The following SESTD1 variants were observed in gnomAD, a reference collection of about 807,000 sequenced individuals.
SESTD1 encodes the protein SEC14 domain and spectrin repeat-containing protein 1.
A neutral mutation model predicts 101.7 loss-of-function variants in SESTD1; 43 were observed. That is an observed-to-expected ratio of 0.42 (90% CI 0.33 to 0.55). SESTD1 has a LOEUF of 0.55. Ranked by LOEUF, SESTD1 falls within the 20% of genes least tolerant of loss-of-function variation. The pLI, the probability that SESTD1 is intolerant of heterozygous loss-of-function variation, is 0.07. For missense variants in SESTD1, 647 were observed against 815.1 expected (o/e 0.79, Z 2.51); for synonymous variants, 283 against 286.8 (o/e 0.99, Z 0.13).
At chr2:179,211,334 A>C (rs1387341472) in intron 1 of SESTD1, among the ~76,000 whole-genome samples, 3 of 133,980 alleles carry the variant, frequency 2.2e-5, no homozygotes, top group Non-Finnish European at 4.8e-5. Context: ...GGAACAACAA[A>C]AAAAAGAGCC....
At chr2:179,112,901 C>G (rs2044542096) in intron 16 of SESTD1, 56 bp from the exon 17 acceptor site, 2 of 1,543,002 alleles carry the variant, frequency 1.3e-6, no homozygotes, top group Admixed American at 2.0e-5. Context: ...TCTGCAGTTT[C>G]AGAGGATCAC....
intron 5 of SESTD1, among the ~76,000 whole-genome samples, chr2:179,158,220 T>TC (rs2045666568): frequency 6.6e-6 from 1 of 152,200 alleles, no homozygotes; most frequent in Non-Finnish European, 1.5e-5. Flanking sequence ...CTATGATGTT[T>TC]CTTTAAGCTC....
intron 1 of SESTD1, among the ~76,000 whole-genome samples, chr2:179,262,767 C>T (rs2047500784): frequency 6.6e-6 from 1 of 152,126 alleles, no homozygotes; most frequent in Admixed American, 6.5e-5. Context: ...ACTTTGTTTT[C>T]TTAATTATTG....
intron 10 of SESTD1, among the ~76,000 whole-genome samples, chr2:179,131,345 T>G (rs1181760189): frequency 6.6e-6 from 1 of 152,206 alleles, no homozygotes; most frequent in Non-Finnish European, 1.5e-5. Flanking sequence ...ACCATATTAC[T>G]TATTCTTTAA....
chr2:179,230,193 G>C (rs1375899149), intron 1 of SESTD1, among the ~76,000 whole-genome samples: 3 of 127,866 alleles, frequency 2.3e-5, no homozygotes, highest in African/African-American at 9.0e-5. Context: ...GAATGCGGTA[G>C]CGCGATCTCA....
chr2:179,256,024 A>G (rs994291969), intron 1 of SESTD1, among the ~76,000 whole-genome samples: 1 of 151,616 alleles, frequency 6.6e-6, no homozygotes, highest in African/African-American at 2.4e-5. Flanking sequence ...GCTCAGACAA[A>G]AAAAAAAAAA....
chr2:179,113,072 C>A (rs2044547484), intron 16 of SESTD1, among the ~76,000 whole-genome samples: 2 of 152,048 alleles, frequency 1.3e-5, no homozygotes, highest in Admixed American at 1.3e-4. Context: ...GAAATTCAAA[C>A]AAACAAAATG....
intron 9 of SESTD1, among the ~76,000 whole-genome samples, chr2:179,137,846 TCA>T (rs1394101304): frequency 6.6e-6 from 1 of 152,232 alleles, no homozygotes; most frequent in Non-Finnish European, 1.5e-5. Context: ...ACAGAGATAC[TCA>T]GTTTATAATT....
At position 179,230,113 on chromosome 2, in the gene SESTD1, C is replaced by CTTTTTTTTTTTTTTT. The variant is rs71023474; in HGVS notation, c.-26+34371_-26+34385dup. ...AAATATTCCAAACTGGATTGTATCT[C>CTTTTTTTTTTTTTTT]TTTTTTTTTTTTTTTTTTTTTTTTT... On this transcript the variant is annotated intron_variant, in intron 1 of 17. Transcript: ENST00000428443. Among the ~76,000 whole-genome samples the CTTTTTTTTTTTTTTT allele has an allele frequency of 2.8e-4, 16 of 56,420 alleles. 6 individuals carry two copies. In the Admixed American group the frequency reaches 2.9e-3, roughly 10 times the overall value. The allele number at this position is 56,420 out of a possible 152,430, so 37.0% of individuals were successfully genotyped here.
In SESTD1 at chr2:179,194,843, C is replaced by A. The variant is rs186582763; in HGVS notation, c.-25-2977G>T. ...GAGAAAATATACTAATATGAACCCC[C>A]AGAGCCCAGAAGACCTCACTGTCAT... is the stretch of plus-strand genomic sequence containing the variant. On this transcript the variant is annotated intron_variant, in intron 1 of 17. Transcript: ENST00000428443. 3.3e-5 allele frequency among the ~76,000 whole-genome samples: 5 copies of A among 152,296 alleles called. No individual in the cohort carries two copies. In the East Asian group the frequency reaches 7.7e-4, roughly 24 times the overall value.
At chr2:179,252,485 T>C (rs2047332786) in intron 1 of SESTD1, among the ~76,000 whole-genome samples, 1 of 152,198 alleles carries the variant, frequency 6.6e-6, no homozygotes, top group African/African-American at 2.4e-5. Context: ...CTCTTTTCTC[T>C]TGTCTTAAGT....
At position 179,102,696 on chromosome 2, in the gene SESTD1, A is replaced by G. The variant is rs544662739; in HGVS notation, c.*7203T>C. The G allele has an allele frequency of 1.3e-5, 2 of 152,266 alleles. No homozygotes were observed. The highest frequency in any genetic ancestry group is 3.4e-3 in the Middle Eastern group (1 of 294). 9.4% of individuals were successfully genotyped at this position (152,266 alleles called of 1,614,324 possible). Reference sequence around the variant, plus strand: ...TGATTATAATTCTATAGACTAATACAGGTGAATGCTGTATGTAATAGAACA... The same window carrying G: ...TGATTATAATTCTATAGACTAATACGGGTGAATGCTGTATGTAATAGAACA... On this transcript the variant is annotated 3_prime_UTR_variant, in exon 18 of 18. Coordinates refer to ENST00000428443, the MANE Select transcript of SESTD1 (RefSeq NM_178123.5).
rs534848032 is a variant in SESTD1, at chr2:179,201,787, G to C, written c.-25-9921C>G. Among the ~76,000 whole-genome samples, 155 of 130,296 alleles carry C rather than the reference G, an allele frequency of 1.2e-3. 34 individuals carry two copies. Among genetic ancestry groups the C allele is most frequent in the African/African-American group, 4.4e-3 (143 of 32,316 alleles). 85.5% of individuals were successfully genotyped at this position (130,296 alleles called of 152,430 possible). On this transcript the variant is annotated intron_variant, in intron 1 of 17. Transcript: ENST00000428443. Reference sequence around the variant, plus strand: ...GGGGACTGTTGTGGGGTGGGGGTAGGGGGGAGGGATAGCATTGGGCAACAT... The same window carrying C: ...GGGGACTGTTGTGGGGTGGGGGTAGCGGGGAGGGATAGCATTGGGCAACAT...
intron 3 of SESTD1, among the ~76,000 whole-genome samples, chr2:179,176,892 T>TACTA (rs1180781091): frequency 6.6e-5 from 10 of 152,248 alleles, no homozygotes; most frequent in Admixed American, 6.5e-4. Context: ...TGAAGTAAGT[T>TACTA]ACTAATTGCC....
At chr2:179,218,752 G>A (rs1295208479) in intron 1 of SESTD1, among the ~76,000 whole-genome samples, 1 of 152,036 alleles carries the variant, frequency 6.6e-6, no homozygotes, top group Non-Finnish European at 1.5e-5. Flanking sequence ...GAAAATAAAG[G>A]CAACCAAGGT....
intron 1 of SESTD1, among the ~76,000 whole-genome samples, chr2:179,192,437 A>G (rs1283512996): frequency 6.6e-6 from 1 of 152,174 alleles, no homozygotes; most frequent in Non-Finnish European, 1.5e-5. Flanking sequence ...ATTTTCTAAT[A>G]CATTGTTTCA....
At chr2:179,169,445 A>G (rs1001883477) in intron 5 of SESTD1, among the ~76,000 whole-genome samples, 10 of 152,218 alleles carry the variant, frequency 6.6e-5, no homozygotes, top group African/African-American at 2.4e-4. Flanking sequence ...GAACACATGA[A>G]GCAAAAACTG....
rs151151128 is a variant in SESTD1, at chr2:179,193,958, C to T, written c.-25-2092G>A. ...CAACTCTTTTAAATGGTCTGAAGTT[C>T]CTATTCCAGGCTTTCATAACTCACT... On this transcript the variant is annotated intron_variant, in intron 1 of 17. Transcript: ENST00000428443. Among the ~76,000 whole-genome samples, 196 of 152,262 alleles carry T rather than the reference C, an allele frequency of 1.3e-3. 1 individual carries two copies. The highest frequency in any genetic ancestry group is 4.5e-3 in the African/African-American group (186 of 41,548).
At chr2:179,149,664 T>C (rs1281003702) in intron 6 of SESTD1, among the ~76,000 whole-genome samples, 4 of 152,172 alleles carry the variant, frequency 2.6e-5, no homozygotes, top group Admixed American at 2.0e-4. Context: ...ACGTGTTTCT[T>C]TGAGAAACAT....
Sources: gnomAD v4.1 joint callset for allele counts (sites outside exome capture counted in the v4.1 genomes callset) on GRCh38, gnomAD v4.1.1 for gene constraint, MANE v1.5 for transcripts, NCBI Gene and HGNC (gene_info 2026-07-23, HGNC 2026-07-21) for gene names.